Variants in PTPRD observed in about 807,000 individuals in gnomAD.
PTPRD encodes protein tyrosine phosphatase receptor type D.
A neutral mutation model predicts 214.5 loss-of-function variants in PTPRD; 34 were observed. That is an observed-to-expected ratio of 0.16 (90% CI 0.12 to 0.21). The LOEUF (loss-of-function observed/expected upper bound fraction) is 0.21, where lower values mean the gene tolerates loss of function less well. Ranked by LOEUF, PTPRD falls within the 10% of genes least tolerant of loss-of-function variation. The pLI, the probability that PTPRD is intolerant of heterozygous loss-of-function variation, is 1.00. For missense variants in PTPRD, 2,545 were observed against 2,398.7 expected, an observed-to-expected ratio of 1.06 and a Z score of -1.27; for synonymous variants, 1,128 against 845.7, an observed-to-expected ratio of 1.33 and a Z score of -5.79.
intron 9 of PTPRD, among the ~76,000 whole-genome samples, chr9:9,234,827 T>C (rs1173719680): frequency 6.6e-6 from 1 of 152,184 alleles, no homozygotes; most frequent in East Asian, 1.9e-4. Context: ...CTAAAAGCCA[T>C]TCAACAAGTC....
rs146724235 is a variant in PTPRD at position 8,483,449 on chromosome 9, A to G, written c.3413+670T>C. ...ACCTATTCACCTTATTCCATAAACT[A>G]TGACATAAAATGCTTTGTAGTAGCC... On this transcript the variant is annotated intron_variant, in intron 30 of 45. Coordinates refer to ENST00000381196, the MANE Select transcript of PTPRD (RefSeq NM_002839.4). Among the ~76,000 whole-genome samples the G allele has an allele frequency of 1.8e-3, 278 of 152,282 alleles. 2 individuals are homozygous for G. The highest frequency in any genetic ancestry group is 6.2e-3 in the African/African-American group (259 of 41,554).
chr9:9,670,292 A>G lies in PTPRD; in HGVS notation c.-287+64241T>C, dbSNP rs544524428. On this transcript the variant is annotated intron_variant, in intron 7 of 45. Coordinates refer to ENST00000381196, the MANE Select transcript of PTPRD (RefSeq NM_002839.4). ...AGAGAGATGATTTATGGTATCTGGC[A>G]GAAGTAATTTCCAAGCAGCAAAGCA... Among the ~76,000 whole-genome samples, 380 of 152,272 alleles carry G rather than the reference A, an allele frequency of 2.5e-3. 2 individuals are homozygous for G. Among genetic ancestry groups the G allele is most frequent in the African/African-American group, 8.6e-3 (356 of 41,562 alleles).
intron 9 of PTPRD, among the ~76,000 whole-genome samples, chr9:9,201,443 T>C (rs185561843): frequency 1.1e-3 from 170 of 152,290 alleles, no homozygotes; most frequent in African/African-American, 3.9e-3. Context: ...ACCAAGTTTA[T>C]TTTGATCAGT....
chr9:10,263,111 A>G (rs1460427109), intron 3 of PTPRD, among the ~76,000 whole-genome samples: 1 of 152,146 alleles, frequency 6.6e-6, no homozygotes, highest in Non-Finnish European at 1.5e-5. Flanking sequence ...CTGTGAGTCC[A>G]TGAAACCTAT....
intron 11 of PTPRD, among the ~76,000 whole-genome samples, chr9:8,901,362 A>T (rs1449361379): frequency 6.6e-6 from 1 of 152,238 alleles, no homozygotes; most frequent in Non-Finnish European, 1.5e-5. Context: ...ATGACAGTGA[A>T]CTATTTCCAT....
chr9:8,587,370 A>C lies in PTPRD; in HGVS notation c.352+45947T>G, dbSNP rs547238885. Reference sequence around the variant, plus strand: ...TGTTCACCTCTGTAACAGTACAAAAATCAGCAGCTTTTACAGTAATGCAAG... The same window carrying C: ...TGTTCACCTCTGTAACAGTACAAAACTCAGCAGCTTTTACAGTAATGCAAG... On this transcript the variant is annotated intron_variant, in intron 14 of 45. Transcript: ENST00000381196. Among the ~76,000 whole-genome samples the C allele has an allele frequency of 2.3e-4, 35 of 152,344 alleles. No homozygotes were observed. In the South Asian group the frequency reaches 6.8e-3, roughly 30 times the overall value.
chr9:9,402,990 CACCA>C (rs897333907), intron 8 of PTPRD, among the ~76,000 whole-genome samples: 1 of 92,940 alleles, frequency 1.1e-5, no homozygotes, highest in African/African-American at 4.2e-5. Flanking sequence ...AAAAAAAAAA[CACCA>C]AAAAAAAATG....
intron 12 of PTPRD, among the ~76,000 whole-genome samples, chr9:8,665,673 T>C (rs2097156351): frequency 6.6e-6 from 1 of 152,212 alleles, no homozygotes; most frequent in Non-Finnish European, 1.5e-5. Context: ...ATTGTCTTTT[T>C]CTCTATTATT....
At chr9:8,560,434 A>G (rs896764637) in intron 14 of PTPRD, among the ~76,000 whole-genome samples, 5 of 129,636 alleles carry the variant, frequency 3.9e-5, no homozygotes, top group Admixed American at 2.3e-4. Context: ...CTTAAAAAAA[A>G]ATACATACAC....
intron 12 of PTPRD, among the ~76,000 whole-genome samples, chr9:8,646,132 A>T (rs1453469248): frequency 6.6e-6 from 1 of 152,046 alleles, no homozygotes; most frequent in Non-Finnish European, 1.5e-5. Flanking sequence ...AAAACAGTGC[A>T]TGGGACTGGG....
intron 2 of PTPRD, among the ~76,000 whole-genome samples, chr9:10,497,042 C>T (rs79717901): frequency 6.6e-6 from 1 of 152,054 alleles, no homozygotes; most frequent in East Asian, 1.9e-4. Flanking sequence ...TGAATTATCA[C>T]AGGAACATAA....
intron 5 of PTPRD, among the ~76,000 whole-genome samples, chr9:9,811,523 C>A (rs751257387): frequency 6.6e-5 from 10 of 151,930 alleles, no homozygotes; most frequent in African/African-American, 2.4e-5. Context: ...CTGGCTGACA[C>A]GGTGAAGCCC....
At chr9:9,250,583 T>A (rs1410691555) in intron 9 of PTPRD, among the ~76,000 whole-genome samples, 3 of 152,090 alleles carry the variant, frequency 2.0e-5, no homozygotes, top group African/African-American at 4.8e-5. Flanking sequence ...TTTCATGTTT[T>A]TGAGTTTACT....
chr9:8,570,627 G>A (rs1410512769), intron 14 of PTPRD, among the ~76,000 whole-genome samples: 4 of 152,014 alleles, frequency 2.6e-5, no homozygotes, highest in Non-Finnish European at 5.9e-5. Context: ...CATGGTTGTG[G>A]CTATTTGTCA....
intron 39 of PTPRD, among the ~76,000 whole-genome samples, chr9:8,354,213 A>G (rs1035751087): frequency 1.3e-5 from 2 of 151,754 alleles, no homozygotes; most frequent in Admixed American, 6.6e-5. Flanking sequence ...TTCTATTGTA[A>G]TTATAAGGTG....
rs572079763 is a variant in PTPRD at position 10,224,459 on chromosome 9, G to GA, written c.-545+116503dup. ...GTGCCATCTCTATTCTTAAATGGTA[G>GA]AAAAAATGTTAATTTTTAAAACTCT... On this transcript the variant is annotated intron_variant, in intron 3 of 45. Coordinates refer to ENST00000381196, the MANE Select transcript of PTPRD (RefSeq NM_002839.4). 4.6e-3 allele frequency among the ~76,000 whole-genome samples: 694 copies of GA among 151,996 alleles called. 5 individuals are homozygous for GA. Among genetic ancestry groups the GA allele is most frequent in the African/African-American group, 0.015 (630 of 41,474 alleles).
At chr9:10,190,636 T>C (rs868224581) in intron 3 of PTPRD, among the ~76,000 whole-genome samples, 1 of 143,384 alleles carries the variant, frequency 7.0e-6, no homozygotes, top group South Asian at 2.2e-4. Context: ...GATAATTGCT[T>C]GAACCTGGAA....
At chr9:9,012,146 C>A (rs1003957912) in intron 11 of PTPRD, among the ~76,000 whole-genome samples, 4 of 152,084 alleles carry the variant, frequency 2.6e-5, no homozygotes, top group African/African-American at 9.7e-5. Flanking sequence ...AGCCTCTAGC[C>A]AACAGCCAAA....
chr9:9,549,913 T>A (rs145999423), intron 8 of PTPRD, among the ~76,000 whole-genome samples: 1 of 152,116 alleles, frequency 6.6e-6, no homozygotes, highest in African/African-American at 2.4e-5. Context: ...ATCAAAAGAA[T>A]GATGGATAAA....
Sources: allele counts gnomAD v4.1 joint callset (sites outside exome capture counted in the v4.1 genomes callset), GRCh38; gene constraint gnomAD v4.1.1; transcripts MANE v1.5; gene names NCBI Gene and HGNC (gene_info 2026-07-23, HGNC 2026-07-21).